LRP1B: variants seen among roughly 807,000 people sequenced by gnomAD.
LRP1B encodes LDL receptor related protein 1B.
LRP1B carries 217 observed loss-of-function variants against 556.6 expected under a neutral mutation model. The ratio of observed to expected loss-of-function variants is 0.39; its 90% confidence interval spans 0.35 to 0.44. The LOEUF (loss-of-function observed/expected upper bound fraction) is 0.44. Among genes scored for constraint, LRP1B ranks in the 20% least tolerant of loss-of-function variants. LRP1B has a pLI of 1.00. For missense variants in LRP1B, 5,053 were observed against 5,620.8 expected (o/e 0.90, Z 3.23); for synonymous variants, 2,047 against 1,865.8 (o/e 1.10, Z -2.50).
rs562763757 is a variant in LRP1B at position 140,414,388 on chromosome 2, A to T, written c.10414+28116T>A. On this transcript the variant is annotated intron_variant, in intron 66 of 90. Transcript: ENST00000389484. ...CTCACATAATAATAGTAAAATATTT[A>T]AAAAAAAATACACTTATTGTTCTGA... Among the ~76,000 whole-genome samples, 624 of 150,270 alleles carry T rather than the reference A, an allele frequency of 4.2e-3. 4 individuals are homozygous for T. The highest frequency in any genetic ancestry group is 0.011 in the African/African-American group (454 of 40,124).
At chr2:140,408,109 A>G (rs1684823814) in intron 66 of LRP1B, among the ~76,000 whole-genome samples, 1 of 152,054 alleles carries the variant, frequency 6.6e-6, no homozygotes, top group Non-Finnish European at 1.5e-5. Flanking sequence ...GTTCTCCCTT[A>G]TAAGTGGAAG....
At chr2:140,890,447 C>CAA (rs1475950993) in intron 23 of LRP1B, among the ~76,000 whole-genome samples, 1 of 152,036 alleles carries the variant, frequency 6.6e-6, no homozygotes, top group Non-Finnish European at 1.5e-5. Flanking sequence ...GAACAATGAC[C>CAA]TTTACATTGA....
chr2:141,885,356 A>C (rs1228896986), intron 1 of LRP1B, among the ~76,000 whole-genome samples: 4 of 152,168 alleles, frequency 2.6e-5, no homozygotes, highest in Non-Finnish European at 5.9e-5. Context: ...CTATTGCTGA[A>C]ATTAAGAAGT....
chr2:141,380,355 C>A (rs1426539037), intron 3 of LRP1B, among the ~76,000 whole-genome samples: 1 of 152,178 alleles, frequency 6.6e-6, no homozygotes. Context: ...AGTTAATGGA[C>A]CAGACAGTCG....
At chr2:140,333,395 T>C (rs1225026251) in intron 79 of LRP1B, among the ~76,000 whole-genome samples, 1 of 152,038 alleles carries the variant, frequency 6.6e-6, no homozygotes, top group Non-Finnish European at 1.5e-5. Context: ...AGAACTTGCT[T>C]CACATTGTTT....
intron 8 of LRP1B, among the ~76,000 whole-genome samples, chr2:141,061,628 T>C (rs1699338361): frequency 2.6e-5 from 4 of 151,830 alleles, no homozygotes; most frequent in African/African-American, 9.7e-5. Context: ...AAGGTACTTT[T>C]GTGAACAGCC....
chr2:140,971,506 G>A lies in LRP1B; in HGVS notation c.2887+10654C>T, dbSNP rs560851394. ...TAAAAAATTCTAATTGGTAGAAAAT[G>A]TTAAAACCACAGTTTACATTCTCTG... On this transcript the variant is annotated intron_variant, in intron 18 of 90. Coordinates refer to ENST00000389484, the MANE Select transcript of LRP1B (RefSeq NM_018557.3). 1.1e-4 allele frequency among the ~76,000 whole-genome samples: 17 copies of A among 152,268 alleles called. No individual in the cohort carries two copies. In the South Asian group the frequency reaches 3.5e-3, roughly 32 times the overall value.
chr2:141,822,088 T>TAC (rs1345832383), intron 1 of LRP1B, among the ~76,000 whole-genome samples: 3 of 76,280 alleles, frequency 3.9e-5, no homozygotes, highest in Non-Finnish European at 7.7e-5. Context: ...CACCAAAAAA[T>TAC]ACATACACAC....
intron 7 of LRP1B, among the ~76,000 whole-genome samples, chr2:141,103,933 G>A (rs991791630): frequency 1.9e-4 from 29 of 151,846 alleles, no homozygotes; most frequent in African/African-American, 6.0e-4. Context: ...ACACAAAGGC[G>A]TCAATTCTAT....
In LRP1B at chr2:142,035,299, C is replaced by T. The variant is rs115926139; in HGVS notation, c.82+95349G>A. On this transcript the variant is annotated intron_variant, in intron 1 of 90. Transcript: ENST00000389484. ...GATGCTATATTAAGAAACACTATGG[C>T]GATACTCCAGCTATTTGAAGAAATT... Among the ~76,000 whole-genome samples, 342 of 151,620 alleles carry T rather than the reference C, an allele frequency of 2.3e-3. 3 individuals are homozygous for T. The highest frequency in any genetic ancestry group is 4.4e-3 in the Non-Finnish European group (297 of 67,768).
At chr2:141,387,903 C>A (rs577006525) in intron 3 of LRP1B, among the ~76,000 whole-genome samples, 1 of 151,970 alleles carries the variant, frequency 6.6e-6, no homozygotes, top group African/African-American at 2.4e-5. Flanking sequence ...CAAAAACAAT[C>A]AAACAAACAG....
At chr2:140,300,047 C>G (rs1465784530) in intron 83 of LRP1B, among the ~76,000 whole-genome samples, 2 of 152,018 alleles carry the variant, frequency 1.3e-5, no homozygotes, top group Non-Finnish European at 1.5e-5. Context: ...TCTTCTATCC[C>G]CATCACTCAA....
At chr2:140,976,216 G>A (rs900415439) in intron 18 of LRP1B, among the ~76,000 whole-genome samples, 7 of 151,878 alleles carry the variant, frequency 4.6e-5, no homozygotes, top group Admixed American at 2.6e-4. Flanking sequence ...CACCATGCCC[G>A]CCTACTCTTC....
intron 3 of LRP1B, among the ~76,000 whole-genome samples, chr2:141,452,756 G>T (rs566278744): frequency 6.6e-6 from 1 of 152,302 alleles, no homozygotes; most frequent in East Asian, 1.9e-4. Flanking sequence ...ACCAAGGTCA[G>T]TCCTTGCTGA....
At chr2:141,405,280 G>A (rs954658038) in intron 3 of LRP1B, among the ~76,000 whole-genome samples, 1 of 152,002 alleles carries the variant, frequency 6.6e-6, no homozygotes, top group Non-Finnish European at 1.5e-5. Flanking sequence ...CATTTTAGAA[G>A]TTAGAATCTT....
intron 59 of LRP1B, among the ~76,000 whole-genome samples, chr2:140,481,578 T>TTTTA (rs551782178): frequency 7.3e-6 from 1 of 137,130 alleles, no homozygotes; most frequent in Admixed American, 7.4e-5. Context: ...GGTAGCCATC[T>TTTTA]TTATTATTAT....
chr2:142,094,685 C>T (rs1029046537), intron 1 of LRP1B, among the ~76,000 whole-genome samples: 10 of 151,772 alleles, frequency 6.6e-5, no homozygotes, highest in African/African-American at 2.4e-4. Flanking sequence ...TTGACACAAC[C>T]CTGTGTTCTA....
intron 2 of LRP1B, among the ~76,000 whole-genome samples, chr2:141,683,185 C>A (rs775964821): frequency 2.3e-4 from 35 of 152,084 alleles, no homozygotes; most frequent in Admixed American, 1.3e-4. Context: ...AATACTAAAC[C>A]TGTAGAAGCT....
At chr2:140,645,790 G>A (rs1027188400) in intron 41 of LRP1B, among the ~76,000 whole-genome samples, 10 of 151,608 alleles carry the variant, frequency 6.6e-5, no homozygotes, top group Admixed American at 3.3e-4. Flanking sequence ...CGCCCGCCTC[G>A]GCCTCCCAAA....
Sources: allele counts gnomAD v4.1 joint callset (sites outside exome capture counted in the v4.1 genomes callset), GRCh38; gene constraint gnomAD v4.1.1; transcripts MANE v1.5; gene names NCBI Gene and HGNC (gene_info 2026-07-23, HGNC 2026-07-21).